LYST: variants seen among roughly 807,000 people sequenced by gnomAD.
The protein encoded by LYST is lysosomal-trafficking regulator.
Under a neutral mutation model 413.6 loss-of-function variants are expected in LYST, and 192 were observed. The ratio of observed to expected loss-of-function variants is 0.46; its 90% confidence interval spans 0.41 to 0.52. The LOEUF (loss-of-function observed/expected upper bound fraction) is 0.52. Ranked by LOEUF, LYST falls within the 20% of genes least tolerant of loss-of-function variation. LYST has a pLI of 0.00. For synonymous variants in LYST, 1,525 were observed against 1,567.3 expected (o/e 0.97, Z 0.64); for missense variants, 3,815 against 4,499.9 (o/e 0.85, Z 4.35).
intron 4 of LYST, among the ~76,000 whole-genome samples, chr1:235,812,502 G>T (rs2102903264): frequency 7.0e-6 from 1 of 143,274 alleles, no homozygotes; most frequent in East Asian, 2.0e-4. Flanking sequence ...GTGAGACTCT[G>T]CCTAAAAAAA....
Position 235,830,228 on chromosome 1 carries a change from G to T in LYST, c.190C>A (p.Gln64Lys). ...LLTKLNSIIDQALTCREELLT... is the reference protein window; with the variant it reads ...LLTKLNSIIDKALTCREELLT... ...AGTATTTGATATAAAAATGTTACCTGATCAATTATAGAATTTAGCTTGGTA... is the reference window on the plus strand; with the variant it reads ...AGTATTTGATATAAAAATGTTACCTTATCAATTATAGAATTTAGCTTGGTA... The change falls in exon 3 of 53, where the codon CAG becomes AAG. Residue 64 changes from glutamine (Q) to lysine (K), a missense_variant and splice_region_variant. Gln to Lys is a moderately conservative substitution (Grantham distance 53). Coordinates refer to ENST00000389793, the MANE Select transcript of LYST (RefSeq NM_000081.4). 6.2e-7 allele frequency: 1 copy of T among 1,604,928 alleles called. No homozygotes were observed. The highest frequency in any genetic ancestry group is 8.5e-7 in the Non-Finnish European group (1 of 1,171,854).
intron 1 of LYST, among the ~76,000 whole-genome samples, chr1:235,836,105 G>A (rs1335717698): frequency 6.6e-6 from 1 of 152,058 alleles, no homozygotes; most frequent in Non-Finnish European, 1.5e-5. Context: ...TCCTCATATA[G>A]TGACTGGTAA....
intron 5 of LYST, 25 bp downstream of exon 5, chr1:235,808,430 C>T (rs563096666): frequency 1.6e-5 from 26 of 1,608,302 alleles, no homozygotes; most frequent in African/African-American, 5.4e-5. Flanking sequence ...CCCCCGCCCC[C>T]GCCGCCACCC....
At chr1:235,693,178 G>A (rs1013396255) in intron 47 of LYST, among the ~76,000 whole-genome samples, 172 bp downstream of exon 47, 4 of 151,714 alleles carry the variant, frequency 2.6e-5, no homozygotes, top group Non-Finnish European at 1.5e-5. Flanking sequence ...TCAGCTGGGC[G>A]TGGTGGCAGG....
intron 31 of LYST, chr1:235,737,916 A>AAGGAGCAG: frequency 6.0e-6 from 7 of 1,163,404 alleles, no homozygotes; most frequent in Admixed American, 8.8e-5. Context: ...GCTGCCGACG[A>AAGGAGCAG]GTCTGGATCT....
intron 29 of LYST, among the ~76,000 whole-genome samples, chr1:235,745,690 A>T (rs962572952): frequency 1.3e-5 from 2 of 152,220 alleles, no homozygotes; most frequent in African/African-American, 2.4e-5. Flanking sequence ...TCCATACCAC[A>T]AATATCACTC....
chr1:235,845,792 C>G (rs1302135100), intron 1 of LYST, among the ~76,000 whole-genome samples: 2 of 152,108 alleles, frequency 1.3e-5, no homozygotes, highest in Admixed American at 1.3e-4. Flanking sequence ...CTCCAGTAAA[C>G]TGGGAATCTC....
In LYST at chr1:235,664,083, T is replaced by C; in HGVS notation, c.11196-28A>G. ...AGAGGGGAAAAAAATCATCTAATTA[T>C]GCAAACTAAAATTACTCTCCCTAAA... On this transcript the variant is annotated intron_variant, in intron 51 of 52. Transcript: ENST00000389793. The surrounding 1 kb of genome is among the most constrained non-coding windows in gnomAD (Gnocchi z 4.5). 6.5e-7 allele frequency: 1 copy of C among 1,534,810 alleles called. No homozygotes were observed. The highest frequency in any genetic ancestry group is 9.0e-7 in the Non-Finnish European group (1 of 1,107,936).
intron 44 of LYST, 46 bp downstream of exon 44, chr1:235,709,045 G>T: frequency 6.6e-7 from 1 of 1,526,564 alleles, no homozygotes; most frequent in Non-Finnish European, 9.1e-7. Context: ...AAAATATTCA[G>T]GTTCTATCTT....
intron 47 of LYST, among the ~76,000 whole-genome samples, chr1:235,691,697 CTCTTTTTTT>C (rs1660666329): frequency 7.2e-6 from 1 of 138,204 alleles, no homozygotes; most frequent in African/African-American, 2.9e-5. Flanking sequence ...ATCAGATTCT[CTCTTTTTTT>C]TTTTTTTGAG....
intron 29 of LYST, 49 bp downstream of exon 29, chr1:235,746,287 T>C (rs2103280627): frequency 6.5e-7 from 1 of 1,535,626 alleles, no homozygotes; most frequent in East Asian, 2.2e-5. Context: ...AGATTACTTC[T>C]CTTTCATTTT....
At chr1:235,792,468 C>T (rs1011450161) in intron 11 of LYST, among the ~76,000 whole-genome samples, 3 of 151,880 alleles carry the variant, frequency 2.0e-5, no homozygotes, top group African/African-American at 7.2e-5. Context: ...GCACCCACCA[C>T]CACCCCCAGC....
At chr1:235,684,617 C>T (rs1045760484) in intron 48 of LYST, among the ~76,000 whole-genome samples, 3 of 151,932 alleles carry the variant, frequency 2.0e-5, no homozygotes, top group Non-Finnish European at 4.4e-5. Flanking sequence ...TGCTTATAAC[C>T]TTTTTTAAAA....
intron 16 of LYST, among the ~76,000 whole-genome samples, chr1:235,778,122 T>TATATATATATATATATATG (rs1558230944): frequency 1.4e-5 from 2 of 144,776 alleles, no homozygotes; most frequent in African/African-American, 5.4e-5. Flanking sequence ...TATATATATA[T>TATATATATATATATATATG]TTTTGTAGAG....
At chr1:235,703,582 T>C (rs1422068849) in intron 44 of LYST, among the ~76,000 whole-genome samples, 1 of 152,216 alleles carries the variant, frequency 6.6e-6, no homozygotes, top group Non-Finnish European at 1.5e-5. Context: ...TTTGTACATA[T>C]CCACTTGATG....
intron 45 of LYST, among the ~76,000 whole-genome samples, chr1:235,699,146 G>C (rs572084908): frequency 5.3e-4 from 81 of 152,220 alleles, no homozygotes; most frequent in African/African-American, 1.9e-3. Context: ...AGAACGTGCA[G>C]GTTTGTTACA....
intron 31 of LYST, chr1:235,734,888 T>C: frequency 5.9e-6 from 2 of 341,388 alleles, no homozygotes; most frequent in East Asian, 4.8e-5. Context: ...TTATGTTACA[T>C]AGGAAAACAT....
chr1:235,855,648 T>A (rs1238150732), intron 1 of LYST, among the ~76,000 whole-genome samples: 2 of 152,082 alleles, frequency 1.3e-5, no homozygotes, highest in African/African-American at 4.8e-5. Context: ...TAAAAATAAT[T>A]TATGTAGCTG....
chr1:235,747,241 C>T (rs1461777405), intron 28 of LYST: 1 of 452,778 alleles, frequency 2.2e-6, no homozygotes, highest in Non-Finnish European at 4.5e-6. Flanking sequence ...ATTTAATGGA[C>T]CGAAGGAGAA....
Sources: allele counts gnomAD v4.1 joint callset (sites outside exome capture counted in the v4.1 genomes callset), GRCh38; gene constraint gnomAD v4.1.1; non-coding constraint Gnocchi (gnomAD v3.1); transcripts MANE v1.5; gene names NCBI Gene and HGNC (gene_info 2026-07-23, HGNC 2026-07-21).